The following PTPRK variants were observed in gnomAD, a reference collection of about 807,000 sequenced individuals.
PTPRK encodes the protein protein tyrosine phosphatase receptor type K.
Under a neutral mutation model 178.0 loss-of-function variants are expected in PTPRK, and 75 were observed. The ratio of observed to expected loss-of-function variants is 0.42; its 90% CI spans 0.35 to 0.51. The LOEUF (loss-of-function observed/expected upper bound fraction) is 0.51, where lower values mean the gene tolerates loss of function less well. Ranked by LOEUF, PTPRK falls within the 20% of genes least tolerant of loss-of-function variation. The pLI is 0.02. For synonymous variants in PTPRK, 637 were observed against 620.6 expected (o/e 1.03, Z -0.39); for missense variants, 1,441 against 1,797.8 (o/e 0.80, Z 3.59).
intron 3 of PTPRK, among the ~76,000 whole-genome samples, chr6:128,255,048 T>C (rs1342931959): frequency 6.6e-6 from 1 of 152,214 alleles, no homozygotes; most frequent in Admixed American, 6.5e-5. Flanking sequence ...TGGAGTACAG[T>C]GACGCGATCT....
intron 7 of PTPRK, 140 bp from the exon 8 acceptor site, chr6:128,090,132 T>C (rs866181515): frequency 2.9e-6 from 2 of 685,172 alleles, no homozygotes; most frequent in Admixed American, 5.9e-5. Flanking sequence ...GCTTTATTTA[T>C]TCATGATCCT....
intron 2 of PTPRK, chr6:128,340,789 G>T (rs755767668): frequency 2.1e-6 from 1 of 483,060 alleles, no homozygotes; most frequent in Non-Finnish European, 4.1e-6. Flanking sequence ...TCACTTTTAG[G>T]TTTGATTCTT....
intron 7 of PTPRK, among the ~76,000 whole-genome samples, chr6:128,146,126 T>A (rs1401322459): frequency 6.6e-6 from 1 of 152,062 alleles, no homozygotes; most frequent in African/African-American, 2.4e-5. Context: ...TTCCAGCAGA[T>A]CCAGGGTTAG....
chr6:128,032,341 G>A (rs1775483763), intron 13 of PTPRK, among the ~76,000 whole-genome samples: 1 of 152,138 alleles, frequency 6.6e-6, no homozygotes, highest in African/African-American at 2.4e-5. Context: ...ATCTGGTTGT[G>A]TGTGAAGAAT....
At position 128,424,275 on chromosome 6, in the gene PTPRK, T is replaced by C. The variant is rs145957423; in HGVS notation, c.101-26587A>G. ...AAATAAAAGTTTTAAAGGTTAATTT[T>C]TACAGCTACAGATAAAGATATAGTG... On this transcript the variant is annotated intron_variant, in intron 1 of 29. Transcript: ENST00000368226. Among the ~76,000 whole-genome samples the C allele has an allele frequency of 3.3e-5, 5 of 152,194 alleles. 1 individual carries two copies. The highest frequency in any genetic ancestry group is 1.2e-4 in the African/African-American group (5 of 41,524).
intron 7 of PTPRK, among the ~76,000 whole-genome samples, chr6:128,140,328 AT>A (rs1157362981): frequency 5.3e-5 from 8 of 152,090 alleles, no homozygotes; most frequent in African/African-American, 1.2e-4. Flanking sequence ...AATTAAAAAA[AT>A]ATATAAACAT....
chr6:127,989,631 T>G (rs1776370511), intron 21 of PTPRK, among the ~76,000 whole-genome samples: 1 of 152,008 alleles, frequency 6.6e-6, no homozygotes, highest in African/African-American at 2.4e-5. Context: ...TTAAAGAAGG[T>G]TTGTAGCGAT....
At chr6:128,217,632 T>C (rs1228883756) in intron 6 of PTPRK, among the ~76,000 whole-genome samples, 1 of 152,186 alleles carries the variant, frequency 6.6e-6, no homozygotes, top group African/African-American at 2.4e-5. Flanking sequence ...TAAAAGATAT[T>C]TGATGCCAAG....
At chr6:128,363,431 C>T (rs767058412) in intron 2 of PTPRK, among the ~76,000 whole-genome samples, 1 of 152,132 alleles carries the variant, frequency 6.6e-6, no homozygotes, top group South Asian at 2.1e-4. Context: ...AAATAAATTG[C>T]CATTGTCCCT....
intron 6 of PTPRK, among the ~76,000 whole-genome samples, chr6:128,192,832 A>AAGGGAAGGGG (rs1804059131): frequency 7.6e-6 from 1 of 131,380 alleles, no homozygotes; most frequent in Admixed American, 7.9e-5. Context: ...AAGGGAAGGG[A>AAGGGAAGGGG]AGGGAAGGGG....
At chr6:128,452,531 T>A (rs1258726374) in intron 1 of PTPRK, among the ~76,000 whole-genome samples, 2 of 152,012 alleles carry the variant, frequency 1.3e-5, no homozygotes, top group African/African-American at 2.4e-5. Flanking sequence ...TAAATTCACA[T>A]CCCACAAGCA....
intron 13 of PTPRK, among the ~76,000 whole-genome samples, chr6:128,015,117 T>C (rs1205595591): frequency 6.6e-6 from 1 of 151,672 alleles, no homozygotes; most frequent in South Asian, 2.1e-4. Flanking sequence ...GCTTAAGGCA[T>C]CTCCTTCTAG....
intron 7 of PTPRK, among the ~76,000 whole-genome samples, chr6:128,157,698 G>A (rs1190516605): frequency 6.6e-6 from 1 of 152,052 alleles, no homozygotes; most frequent in East Asian, 1.9e-4. Context: ...CAGTGATGAT[G>A]AACATTTTTT....
At chr6:128,446,120 A>G (rs1379204028) in intron 1 of PTPRK, among the ~76,000 whole-genome samples, 1 of 152,190 alleles carries the variant, frequency 6.6e-6, no homozygotes, top group African/African-American at 2.4e-5. Context: ...TGCACTTCTC[A>G]CTAATGTTCT....
chr6:128,049,659 C>T (rs1014638220), intron 13 of PTPRK, among the ~76,000 whole-genome samples: 4 of 152,086 alleles, frequency 2.6e-5, no homozygotes, highest in South Asian at 2.1e-4. Context: ...TATATATTTG[C>T]ATGATTCAGC....
At chr6:128,496,960 T>A (rs1048892077) in intron 1 of PTPRK, among the ~76,000 whole-genome samples, 1 of 152,200 alleles carries the variant, frequency 6.6e-6, no homozygotes, top group African/African-American at 2.4e-5. Flanking sequence ...CTGGAATCAG[T>A]AAAACATTAC....
chr6:128,149,520 G>C (rs1316493077), intron 7 of PTPRK, among the ~76,000 whole-genome samples: 1 of 151,972 alleles, frequency 6.6e-6, no homozygotes, highest in Non-Finnish European at 1.5e-5. Context: ...AATTAGATAG[G>C]CATATAGTCC....
intron 1 of PTPRK, among the ~76,000 whole-genome samples, chr6:128,479,154 AGTTTATGGT>A (rs1200461745): frequency 2.6e-5 from 4 of 152,108 alleles, no homozygotes; most frequent in African/African-American, 9.7e-5. Context: ...CCTGCCACAA[AGTTTATGGT>A]GTGTTCAATG....
At chr6:128,370,828 A>C (rs1048881466) in intron 2 of PTPRK, among the ~76,000 whole-genome samples, 1 of 152,188 alleles carries the variant, frequency 6.6e-6, no homozygotes, top group Non-Finnish European at 1.5e-5. Context: ...TTAAAGTCAA[A>C]TCTATTTGCC....
Sources: gnomAD v4.1 joint callset for allele counts (sites outside exome capture counted in the v4.1 genomes callset) on GRCh38, gnomAD v4.1.1 for gene constraint, MANE v1.5 for transcripts, NCBI Gene and HGNC (gene_info 2026-07-23, HGNC 2026-07-21) for gene names.